Variants in ATP11C observed in about 807,000 individuals in gnomAD.
ATP11C encodes the protein ATPase phospholipid transporting 11C (ATP11C blood group).
A neutral mutation model predicts 97.4 loss-of-function variants in ATP11C; 36 were observed. That is an observed-to-expected ratio of 0.37 (90% confidence interval 0.28 to 0.49). The LOEUF is 0.49. ATP11C is among the 20% of genes least tolerant of loss of function. ATP11C has a pLI of 0.98. For synonymous variants in ATP11C, 275 were observed against 290.9 expected (o/e 0.95, Z 0.56); for missense variants, 730 against 824.6 (o/e 0.89, Z 1.40).
chrX:139,845,812 C>CT (rs1353925051), intron 1 of ATP11C, among the ~76,000 whole-genome samples: 9 of 112,333 alleles, frequency 8.0e-5, no homozygotes, highest in South Asian at 7.4e-4. Context: ...CAGCTAAAAC[C>CT]TTTAAATCTT....
chrX:139,891,197 CAAAAAAAAAAAAAAA>C (rs35280856), intron 1 of ATP11C, among the ~76,000 whole-genome samples: 2 of 35,498 alleles, frequency 5.6e-5, no homozygotes, highest in African/African-American at 1.1e-4. Flanking sequence ...AGAGATTGGC[CAAAAAAAAAAAAAAA>C]AAAAAAAGAA....
chrX:139,871,312 G>A (rs368653046), intron 1 of ATP11C, among the ~76,000 whole-genome samples: 3 of 105,385 alleles, frequency 2.8e-5, no homozygotes, highest in African/African-American at 1.0e-4. Flanking sequence ...AGGTTCAAGC[G>A]ACTCTCATGC....
intron 1 of ATP11C, among the ~76,000 whole-genome samples, chrX:139,898,391 A>G (rs377729436): frequency 1.8e-5 from 2 of 111,936 alleles, no homozygotes; most frequent in African/African-American, 6.5e-5. Flanking sequence ...AAGCACAAAC[A>G]TATTTTAATA....
At chrX:139,836,218 A>C (rs2083747848) in intron 1 of ATP11C, among the ~76,000 whole-genome samples, 1 of 110,141 alleles carries the variant, frequency 9.1e-6, no homozygotes, top group Non-Finnish European at 1.9e-5. Context: ...ATGTGGAATA[A>C]AAAATTGCAG....
rs770238562 is a variant in ATP11C, at chrX:139,897,499, T to C, written c.27+34517A>G. ...AGGAGTTCAAAACATGACAAAACCC[T>C]GTCTCTACTCAAATTACAAAAATTA... is the stretch of plus-strand genomic sequence containing the variant. On this transcript the variant is annotated intron_variant, in intron 1 of 29. Coordinates refer to ENST00000682941, the MANE Select transcript of ATP11C (RefSeq NM_001353812.2). Among the ~76,000 whole-genome samples, 5 of 108,046 alleles carry C rather than the reference T, an allele frequency of 4.6e-5. No individual in the cohort carries two copies. In the East Asian group the frequency reaches 1.2e-3, roughly 26 times the overall value. The allele number at this position is 108,046 out of a possible 115,157, so 93.8% of individuals were successfully genotyped here.
chrX:139,924,280 G>A (rs763706264), intron 1 of ATP11C: 5 of 371,912 alleles, frequency 1.3e-5, no homozygotes, highest in Non-Finnish European at 2.2e-5. Context: ...CAAACAGTAA[G>A]TGCTTTCAAT....
intron 1 of ATP11C, among the ~76,000 whole-genome samples, chrX:139,880,653 A>G (rs1471831753): frequency 9.0e-6 from 1 of 111,552 alleles, no homozygotes; most frequent in Non-Finnish European, 1.9e-5. Flanking sequence ...ACAGAAGAAG[A>G]GCTATTGGGT....
At chrX:139,765,469 G>C (rs2082117957) in intron 20 of ATP11C, among the ~76,000 whole-genome samples, 1 of 112,043 alleles carries the variant, frequency 8.9e-6, no homozygotes, top group Non-Finnish European at 1.9e-5. Flanking sequence ...ATCCATGTAA[G>C]AAGGCCTAGG....
intron 18 of ATP11C, among the ~76,000 whole-genome samples, chrX:139,782,326 C>CA (rs1181971834): frequency 1.1e-3 from 86 of 75,881 alleles, no homozygotes; most frequent in South Asian, 1.8e-3. Flanking sequence ...GACTCTGTCT[C>CA]AAAAAAAAAA....
chrX:139,765,139 G>C (rs1416419783), intron 20 of ATP11C, among the ~76,000 whole-genome samples: 1 of 111,056 alleles, frequency 9.0e-6, no homozygotes, highest in East Asian at 2.8e-4. Flanking sequence ...ATAAAATCAT[G>C]AAGGGATTTA....
chrX:139,737,735 T>TG lies in ATP11C; in HGVS notation c.3288+180dup, dbSNP rs757698175. 24 of 535,503 alleles carry TG rather than the reference T, an allele frequency of 4.5e-5. No homozygotes were observed. In the African/African-American group the frequency reaches 5.5e-4, roughly 12 times the overall value. 44.1% of individuals were successfully genotyped at this position (535,503 alleles called of 1,213,427 possible). On this transcript the variant is annotated intron_variant, in intron 28 of 29. Transcript: ENST00000682941. ...ACTATTAAGGAATCTACTTACCACCTGCATTGGATAACGAAGTTTTTACTA... is the reference window on the plus strand; with the variant it reads ...ACTATTAAGGAATCTACTTACCACCTGGCATTGGATAACGAAGTTTTTACTA...
chrX:139,739,962 A>G (rs1198226427), intron 27 of ATP11C, among the ~76,000 whole-genome samples: 1 of 111,901 alleles, frequency 8.9e-6, no homozygotes, highest in Non-Finnish European at 1.9e-5. Context: ...ACTTCCTTAA[A>G]TGATTAGGTT....
intron 1 of ATP11C, among the ~76,000 whole-genome samples, chrX:139,862,430 C>T (rs919241073): frequency 2.7e-5 from 3 of 111,237 alleles, no homozygotes; most frequent in Non-Finnish European, 3.8e-5. Context: ...GGGGACTGCG[C>T]CCTCTACCTG....
intron 23 of ATP11C, among the ~76,000 whole-genome samples, chrX:139,755,087 C>T (rs2081903782): frequency 1.8e-5 from 2 of 112,073 alleles, no homozygotes; most frequent in Admixed American, 1.9e-4. Context: ...ATCTAGAAAA[C>T]CTCATAGTCT....
intron 18 of ATP11C, among the ~76,000 whole-genome samples, chrX:139,778,043 G>A (rs1195185060): frequency 9.0e-6 from 1 of 110,559 alleles, no homozygotes; most frequent in Non-Finnish European, 1.9e-5. Context: ...TTTCTGTAGA[G>A]ATGGAGTCTC....
upstream of ATP11C, among the ~76,000 whole-genome samples, chrX:139,935,948 A>C (rs907645218): frequency 2.7e-5 from 3 of 109,995 alleles, no homozygotes; most frequent in African/African-American, 1.0e-4. Context: ...GTGAGCCAAG[A>C]TCGCGCCAGT....
intron 2 of ATP11C, among the ~76,000 whole-genome samples, chrX:139,825,861 G>A (rs1426179015): frequency 8.9e-6 from 1 of 112,308 alleles, no homozygotes; most frequent in Non-Finnish European, 1.9e-5. Flanking sequence ...TATAAGAGAT[G>A]GCAGTAGGCC....
At chrX:139,766,008 AC>A (rs2082128063) in intron 20 of ATP11C, among the ~76,000 whole-genome samples, 1 of 112,168 alleles carries the variant, frequency 8.9e-6, no homozygotes, top group East Asian at 2.8e-4. Context: ...CTGGAAGTAC[AC>A]TGAGGTCAGT....
chrX:139,891,219 A>G (rs2084724699), intron 1 of ATP11C, among the ~76,000 whole-genome samples: 1 of 107,172 alleles, frequency 9.3e-6, no homozygotes, highest in East Asian at 2.9e-4. Context: ...AAAAAAAAAA[A>G]GAAGGAAGAT....
Sources: gnomAD v4.1 joint callset for allele counts (sites outside exome capture counted in the v4.1 genomes callset) on GRCh38, gnomAD v4.1.1 for gene constraint, MANE v1.5 for transcripts, NCBI Gene and HGNC (gene_info 2026-07-23, HGNC 2026-07-21) for gene names.